The following PCID2 variants were observed in gnomAD, a reference collection of about 807,000 sequenced individuals.
PCID2 encodes the protein PCI domain containing 2, also known as PCI domain-containing protein 2.
In PCID2, 41 loss-of-function variants were observed where a neutral mutation model predicts 61.3. That is an observed-to-expected ratio of 0.67 (90% CI 0.52 to 0.87). PCID2 has a LOEUF of 0.87. PCID2 is among the 40% of genes least tolerant of loss of function. The probability of loss-of-function intolerance (pLI) is 0.00; values close to 1 mark genes in which losing one functional copy is unlikely to be tolerated. For synonymous variants in PCID2, 187 were observed against 177.8 expected, an observed-to-expected ratio of 1.05 and a Z score of -0.41; for missense variants, 392 against 493.4, an observed-to-expected ratio of 0.79 and a Z score of 1.95.
At chr13:113,197,683 G>A (rs2039121320) in intron 3 of PCID2, among the ~76,000 whole-genome samples, 1 of 152,182 alleles carries the variant, frequency 6.6e-6, no homozygotes, top group African/African-American at 2.4e-5. Flanking sequence ...ACCCTGTGGG[G>A]TTCACAGAAC....
In PCID2 at chr13:113,207,954, A is replaced by G. The variant is rs1438038243; in HGVS notation, c.36+645T>C. ...CAGTGCTGGTTCTGAAGACAGGCAT[A>G]GTTTAGTGGAAAGAATATGCGTTGA... On this transcript the variant is annotated intron_variant, in intron 1 of 13. Transcript: ENST00000337344. The G allele has an allele frequency of 3.0e-6, 4 of 1,319,176 alleles. No individual in the cohort carries two copies. In the Admixed American group the frequency reaches 6.7e-5, roughly 22 times the overall value. The allele number at this position is 1,319,176 out of a possible 1,614,324, so 81.7% of individuals were successfully genotyped here. A position where few individuals can be genotyped will look rare whatever the true frequency, so the allele number is the denominator to read the frequency against.
chr13:113,181,059 T>A, intron 10 of PCID2, 71 bp downstream of exon 10: 1 of 1,028,286 alleles, frequency 9.7e-7, no homozygotes, highest in Non-Finnish European at 1.5e-6. Context: ...TGCTAGGTTT[T>A]AAAAAAACCT....
At chr13:113,180,678 C>T (rs1283930486) in intron 10 of PCID2, among the ~76,000 whole-genome samples, 2 of 152,300 alleles carry the variant, frequency 1.3e-5, no homozygotes, top group Middle Eastern at 3.4e-3. Context: ...CTTTAGCCAC[C>T]TGTGTGCAAT....
the PCID2 span, among the ~76,000 whole-genome samples, chr13:113,169,965 C>T: frequency 2.0e-3 from 298 of 152,342 alleles, no homozygotes; most frequent in African/African-American, 6.9e-3. Flanking sequence ...CCTCCCTGGG[C>T]TCTCAGCTTT....
chr13:113,174,596 T>C (rs73579001), downstream of PCID2, among the ~76,000 whole-genome samples: 245 of 152,272 alleles, frequency 1.6e-3, no homozygotes, highest in African/African-American at 5.5e-3. Context: ...CTGGGCTCAA[T>C]TGACCCTCCC....
chr13:113,208,454 T>A (rs2040117929), intron 1 of PCID2, 145 bp downstream of exon 1: 1 of 1,522,568 alleles, frequency 6.6e-7, no homozygotes, highest in African/African-American at 1.4e-5. Flanking sequence ...GCTGTTCGGC[T>A]CGCGCGGCTG....
At chr13:113,196,687 A>C (rs1449013534) in intron 4 of PCID2, among the ~76,000 whole-genome samples, 1 of 152,246 alleles carries the variant, frequency 6.6e-6, no homozygotes, top group Non-Finnish European at 1.5e-5. Flanking sequence ...ATCTAGAGAT[A>C]CATACAAATC....
In PCID2 at chr13:113,195,204, C is replaced by T. The variant is rs115529924; in HGVS notation, c.309-79G>A. 1,750 of 856,998 alleles carry T rather than the reference C, an allele frequency of 2.0e-3. 23 individuals carry two copies. The African/African-American group carries it at 0.025, about 12-fold the overall frequency. 53.1% of individuals were successfully genotyped at this position (856,998 alleles called of 1,614,324 possible). A position where few individuals can be genotyped will look rare whatever the true frequency, so the allele number is the denominator to read the frequency against. ...TCCCCAGAGGTGGGAAGAACACGGA[C>T]ACCCAGGGCTACTATCCAGAATGGA... On this transcript the variant is annotated intron_variant, in intron 5 of 13. Coordinates refer to ENST00000337344, the MANE Select transcript of PCID2 (RefSeq NM_001127202.4).
intron 1 of PCID2, among the ~76,000 whole-genome samples, chr13:113,201,625 C>T (rs894764150): frequency 1.3e-5 from 2 of 151,878 alleles, no homozygotes; most frequent in South Asian, 2.1e-4. Flanking sequence ...TCCTGGCTAA[C>T]GCAATGAAAC....
chr13:113,192,085 C>G (rs911539800), intron 6 of PCID2, among the ~76,000 whole-genome samples: 2 of 152,132 alleles, frequency 1.3e-5, no homozygotes, highest in African/African-American at 2.4e-5. Context: ...TGGCAAGACT[C>G]TGTCTTAATT....
the PCID2 span, among the ~76,000 whole-genome samples, chr13:113,169,132 T>C: frequency 6.6e-6 from 1 of 152,112 alleles, no homozygotes; most frequent in Non-Finnish European, 1.5e-5. Context: ...TCAGAGATGG[T>C]CTGTTCATTT....
intron 5 of PCID2, among the ~76,000 whole-genome samples, chr13:113,195,335 T>G (rs1221173879): frequency 6.6e-6 from 1 of 152,172 alleles, no homozygotes; most frequent in Non-Finnish European, 1.5e-5. Context: ...CACAATGCGG[T>G]GCTCCACACC....
chr13:113,174,681 G>T (rs781157132), downstream of PCID2, among the ~76,000 whole-genome samples: 4 of 152,112 alleles, frequency 2.6e-5, no homozygotes, highest in Non-Finnish European at 5.9e-5. Flanking sequence ...GATGGATTTT[G>T]CCATATTGCC....
At chr13:113,165,598 C>G in the PCID2 span, among the ~76,000 whole-genome samples, 1 of 152,068 alleles carries the variant, frequency 6.6e-6, no homozygotes, top group African/African-American at 2.4e-5. Flanking sequence ...TGGTCCAGTC[C>G]CGGCTCACTG....
In PCID2 at chr13:113,179,745, C is replaced by A. The variant is rs905570993; in HGVS notation, c.986+172G>T. Among the ~76,000 whole-genome samples the A allele has an allele frequency of 1.3e-5, 2 of 152,188 alleles. 1 individual carries two copies. ...GCTTGTGCTACTCACGTGTCTCGCG[C>A]AGGGTCCCCAGGAGGCAGTGGGCGG... On this transcript the variant is annotated intron_variant, in intron 12 of 13. Transcript: ENST00000337344. This position sits in a 1 kb window ranked among gnomAD's most constrained non-coding sequence, Gnocchi z 4.3.
At chr13:113,194,979 T>C in intron 6 of PCID2, 92 bp downstream of exon 6, 2 of 943,336 alleles carry the variant, frequency 2.1e-6, no homozygotes, top group Non-Finnish European at 3.5e-6. Flanking sequence ...AATTTGCTCC[T>C]CAAAACTTCT....
intron 5 of PCID2, 144 bp from the exon 6 acceptor site, chr13:113,195,269 T>G (rs2038929990): frequency 1.5e-6 from 1 of 657,948 alleles, no homozygotes; most frequent in Non-Finnish European, 2.8e-6. Flanking sequence ...GTCTGCTTCC[T>G]CACCTTCTGT....
chr13:113,205,802 C>T lies in PCID2; in HGVS notation c.36+2797G>A, dbSNP rs1323316. Among the ~76,000 whole-genome samples, 2,371 of 152,276 alleles carry T rather than the reference C, an allele frequency of 0.016. 161 individuals are homozygous for T. The East Asian group carries it at 0.2, about 13-fold the overall frequency. Reference sequence around the variant, plus strand: ...AGAGAGCACATTAGCGGTTGACAAGCGCTCGGGAGGGAGGACCAGGGAGTG... The same window carrying T: ...AGAGAGCACATTAGCGGTTGACAAGTGCTCGGGAGGGAGGACCAGGGAGTG... On this transcript the variant is annotated intron_variant, in intron 1 of 13. Transcript: ENST00000337344.
the PCID2 span, chr13:113,172,229 C>A: frequency 7.3e-7 from 1 of 1,373,894 alleles, no homozygotes; most frequent in Non-Finnish European, 1.0e-6. Context: ...CCAGACCACC[C>A]GCTTGGCCCA....
Sources: allele counts gnomAD v4.1 joint callset (sites outside exome capture counted in the v4.1 genomes callset), GRCh38; gene constraint gnomAD v4.1.1; non-coding constraint Gnocchi (gnomAD v3.1); transcripts MANE v1.5; gene names NCBI Gene and HGNC (gene_info 2026-07-23, HGNC 2026-07-21).